Variants in KREMEN1 observed in about 807,000 individuals in gnomAD.
The protein encoded by KREMEN1 is kringle containing transmembrane protein 1, also known as kremen protein 1.
KREMEN1 carries 30 observed loss-of-function variants against 46.5 expected under a neutral mutation model. That is an observed-to-expected ratio of 0.65 (90% CI 0.48 to 0.88). The LOEUF is 0.88. Ranked by LOEUF, KREMEN1 falls within the 40% of genes least tolerant of loss-of-function variation. KREMEN1 has a pLI of 0.00. For missense variants in KREMEN1, 533 were observed against 596.9 expected, an observed-to-expected ratio of 0.89 and a Z score of 1.11; for synonymous variants, 214 against 230.6, an observed-to-expected ratio of 0.93 and a Z score of 0.65.
chr22:29,125,755 C>A (rs935032327), intron 5 of KREMEN1, among the ~76,000 whole-genome samples: 2 of 152,006 alleles, frequency 1.3e-5, no homozygotes, highest in Non-Finnish European at 2.9e-5. Context: ...TTATTATACT[C>A]TTGCTTTAAT....
chr22:29,131,560 A>ATATATATATATGTGTGTGTG (rs1240832937), intron 5 of KREMEN1, among the ~76,000 whole-genome samples: 1 of 69,974 alleles, frequency 1.4e-5, no homozygotes, highest in African/African-American at 8.4e-5. Flanking sequence ...ATATATATAT[A>ATATATATATATGTGTGTGTG]TGTGTGTGTG....
chr22:29,164,732 G>A (rs1342132870), intron 9 of KREMEN1, among the ~76,000 whole-genome samples: 4 of 114,080 alleles, frequency 3.5e-5, no homozygotes, highest in African/African-American at 1.4e-4. Flanking sequence ...GGCTACAAGA[G>A]TGAAACTCCA....
chr22:29,084,531 C>T lies in KREMEN1; in HGVS notation c.98-9727C>T, dbSNP rs151304622. Among the ~76,000 whole-genome samples the T allele has an allele frequency of 1.1e-3, 160 of 152,274 alleles. 2 individuals carry two copies. Among genetic ancestry groups the T allele is most frequent in the East Asian group, 6.7e-3 (35 of 5,186 alleles). On this transcript the variant is annotated intron_variant, in intron 1 of 8. Coordinates refer to ENST00000400335, the MANE Select transcript of KREMEN1 (RefSeq NM_001039570.3). ...ACAGTGACAAGCATGGCATGTTTTCCAGGGGGCCCTGCCTGGGTAGGAGTG... is the reference window on the plus strand; with the variant it reads ...ACAGTGACAAGCATGGCATGTTTTCTAGGGGGCCCTGCCTGGGTAGGAGTG...
intron 3 of KREMEN1, among the ~76,000 whole-genome samples, chr22:29,101,291 A>ACATATTTT (rs137930551): frequency 0.021 from 3,123 of 151,560 alleles, 96 homozygotes; most frequent in African/African-American, 0.062. Context: ...TAAGGGAAGA[A>ACATATTTT]CATATTTTTG....
intron 2 of KREMEN1, among the ~76,000 whole-genome samples, chr22:29,097,978 T>G (rs1362318862): frequency 6.6e-6 from 1 of 152,120 alleles, no homozygotes; most frequent in Non-Finnish European, 1.5e-5. Flanking sequence ...GGTCAGGAGT[T>G]GGAGACCAGA....
intron 1 of KREMEN1, among the ~76,000 whole-genome samples, chr22:29,080,830 T>C (rs2037641554): frequency 6.6e-6 from 1 of 151,976 alleles, no homozygotes; most frequent in Non-Finnish European, 1.5e-5. Context: ...ATGCTGCTGC[T>C]AAACATCCTA....
intron 3 of KREMEN1, chr22:29,099,218 A>C: frequency 2.7e-6 from 1 of 365,388 alleles, no homozygotes; most frequent in Non-Finnish European, 5.0e-6. Flanking sequence ...TTAATTTCTG[A>C]TTCTTTCAGG....
At chr22:29,077,507 G>T (rs134601) in intron 1 of KREMEN1, among the ~76,000 whole-genome samples, 97,651 of 152,138 alleles carry the variant, frequency 0.64, 31,540 homozygotes, top group Middle Eastern at 0.78. Flanking sequence ...GCATCACCAT[G>T]CCTGGCTAGT....
intron 1 of KREMEN1, among the ~76,000 whole-genome samples, chr22:29,086,606 A>G (rs567791894): frequency 1.3e-5 from 2 of 152,276 alleles, no homozygotes; most frequent in African/African-American, 2.4e-5. Context: ...CAGCTTTCCC[A>G]TAGTGCTTTT....
At chr22:29,089,407 T>A (rs548910263) in intron 1 of KREMEN1, among the ~76,000 whole-genome samples, 2 of 152,232 alleles carry the variant, frequency 1.3e-5, no homozygotes, top group Admixed American at 1.3e-4. Flanking sequence ...CTTTTGCCAC[T>A]ACCTTCAAAA....
intron 3 of KREMEN1, among the ~76,000 whole-genome samples, chr22:29,105,478 TACACACACACAC>T (rs10642386): frequency 8.2e-5 from 12 of 147,002 alleles, no homozygotes; most frequent in South Asian, 2.2e-4. Context: ...CACACACACA[TACACACACACAC>T]ACACACACAC....
At chr22:29,157,647 A>T (rs1045447863) in intron 9 of KREMEN1, among the ~76,000 whole-genome samples, 2 of 152,098 alleles carry the variant, frequency 1.3e-5, no homozygotes, top group African/African-American at 4.8e-5. Context: ...CCCCACCATG[A>T]CTTTGCCTCT....
intron 3 of KREMEN1, among the ~76,000 whole-genome samples, chr22:29,100,521 G>T (rs1206032889): frequency 1.3e-5 from 2 of 152,060 alleles, no homozygotes; most frequent in Non-Finnish European, 2.9e-5. Context: ...GGTGATGCTG[G>T]TATAAATAAA....
intron 3 of KREMEN1, among the ~76,000 whole-genome samples, chr22:29,118,726 T>G (rs4823014): frequency 0.36 from 55,115 of 151,688 alleles, 11,491 homozygotes; most frequent in East Asian, 0.66. Flanking sequence ...GAATTCAGGC[T>G]TCAATATATT....
Position 29,073,728 on chromosome 22 carries a change from C to T in KREMEN1, c.97+501C>T, listed in dbSNP as rs542664354. The stretch of plus-strand genomic sequence containing the variant: ...TCCTAGGATCCCGTCCCAAAATCCC[C>T]AGCGACTCCCCACGGGCCAGGAGGC... On this transcript the variant is annotated intron_variant, in intron 1 of 8. Transcript: ENST00000400335. The surrounding 1 kb of genome is among the most constrained non-coding windows in gnomAD (Gnocchi z 4.4). 8.6e-5 allele frequency among the ~76,000 whole-genome samples: 13 copies of T among 151,476 alleles called. No homozygotes were observed. The highest frequency in any genetic ancestry group is 1.8e-4 in the Non-Finnish European group (12 of 67,694).
intron 4 of KREMEN1, among the ~76,000 whole-genome samples, chr22:29,123,346 TAA>T (rs557282074): frequency 4.2e-5 from 5 of 119,116 alleles, no homozygotes; most frequent in Admixed American, 8.3e-5. Flanking sequence ...TGTGTAAAAT[TAA>T]AAAAAAAAAA....
In KREMEN1 at chr22:29,164,762, A is replaced by AC. The variant is rs1418034018; in HGVS notation, c.1417-2282_1417-2281insC. 6.0e-5 allele frequency among the ~76,000 whole-genome samples: 9 copies of AC among 150,754 alleles called. No individual in the cohort carries two copies. In the East Asian group the frequency reaches 1.8e-3, roughly 29 times the overall value. ...ACTCCATCTCAAAAAAAAAACAAAA[A>AC]AAAAAACCCAAAACAAGGAACTATG... On this transcript the variant is annotated intron_variant, in intron 9 of 9. Transcript: ENST00000327813.
intron 3 of KREMEN1, among the ~76,000 whole-genome samples, chr22:29,117,181 A>G (rs889907762): frequency 1.3e-5 from 2 of 152,180 alleles, no homozygotes; most frequent in African/African-American, 4.8e-5. Flanking sequence ...GCACATACAC[A>G]TGAATATATT....
chr22:29,085,919 C>T lies in KREMEN1; in HGVS notation c.98-8339C>T, dbSNP rs556579431. ...CCAGGAGGTAGAGGCCGCAGTGAGC[C>T]ATGATTGCTCCACTGAACTCCAGCC... On this transcript the variant is annotated intron_variant, in intron 1 of 8. Coordinates refer to ENST00000400335, the MANE Select transcript of KREMEN1 (RefSeq NM_001039570.3). Among the ~76,000 whole-genome samples the T allele has an allele frequency of 6.0e-5, 9 of 150,666 alleles. No individual in the cohort carries two copies. The South Asian group carries it at 1.9e-3, about 31-fold the overall frequency.
Sources: allele counts gnomAD v4.1 joint callset (sites outside exome capture counted in the v4.1 genomes callset), GRCh38; gene constraint gnomAD v4.1.1; non-coding constraint Gnocchi (gnomAD v3.1); transcripts MANE v1.5; gene names NCBI Gene and HGNC (gene_info 2026-07-23, HGNC 2026-07-21).